NLGN1: variants seen among roughly 807,000 people sequenced by gnomAD.
NLGN1 encodes the protein neuroligin 1.
Under a neutral mutation model 65.5 loss-of-function variants are expected in NLGN1, and 12 were observed. The ratio of observed to expected loss-of-function variants is 0.18; its 90% CI spans 0.12 to 0.30. NLGN1 has a LOEUF of 0.30. Ranked by LOEUF, NLGN1 falls within the 10% of genes least tolerant of loss-of-function variation. The probability of loss-of-function intolerance (pLI) is 1.00; values close to 1 mark genes in which losing one functional copy is unlikely to be tolerated. For missense variants in NLGN1, 750 were observed against 1,007.1 expected, an observed-to-expected ratio of 0.74 and a Z score of 3.46; for synonymous variants, 350 against 359.5, an observed-to-expected ratio of 0.97 and a Z score of 0.30.
intron 3 of NLGN1, among the ~76,000 whole-genome samples, chr3:173,686,909 C>T (rs940809638): frequency 4.6e-5 from 7 of 151,836 alleles, no homozygotes; most frequent in Non-Finnish European, 7.4e-5. Flanking sequence ...GCCGAGATCA[C>T]GCCATTGCAC....
chr3:173,399,039 T>A (rs928619504), intron 1 of NLGN1, among the ~76,000 whole-genome samples: 2 of 152,198 alleles, frequency 1.3e-5, no homozygotes, highest in African/African-American at 4.8e-5. Context: ...GTTTTTGAAA[T>A]GAGCTCAGAA....
chr3:173,993,068 A>G (rs1721459804), intron 4 of NLGN1, among the ~76,000 whole-genome samples: 1 of 152,200 alleles, frequency 6.6e-6, no homozygotes, highest in South Asian at 2.1e-4. Context: ...GTTTCTTGTT[A>G]AAATATGTAA....
At chr3:173,885,894 A>G (rs915445735) in intron 4 of NLGN1, among the ~76,000 whole-genome samples, 1 of 152,178 alleles carries the variant, frequency 6.6e-6, no homozygotes, top group Non-Finnish European at 1.5e-5. Context: ...GGACAAAGAC[A>G]TGAAGTGATC....
chr3:174,281,120 A>G (rs765045059), exon 7 of NLGN1: 23 of 1,613,310 alleles, frequency 1.4e-5, no homozygotes, highest in Non-Finnish European at 1.9e-5. Context: ...CAGATTACAC[A>G]CTAGCTATGA....
chr3:173,438,587 T>A (rs1243760578), intron 2 of NLGN1, among the ~76,000 whole-genome samples: 1 of 152,160 alleles, frequency 6.6e-6, no homozygotes, highest in African/African-American at 2.4e-5. Flanking sequence ...TATGAATCAC[T>A]GATAAAAAGT....
chr3:173,656,731 A>G (rs987895045), intron 3 of NLGN1, among the ~76,000 whole-genome samples: 13 of 152,042 alleles, frequency 8.6e-5, no homozygotes, highest in Middle Eastern at 3.2e-3. Context: ...GTCTTACCCA[A>G]TGAGAATTTT....
chr3:173,767,137 A>C (rs1778896110), intron 3 of NLGN1, among the ~76,000 whole-genome samples: 1 of 152,168 alleles, frequency 6.6e-6, no homozygotes, highest in African/African-American at 2.4e-5. Flanking sequence ...TAATCTGGAA[A>C]AACAAAAGAA....
chr3:173,883,003 C>G (rs2150937135), intron 4 of NLGN1, among the ~76,000 whole-genome samples: 1 of 141,064 alleles, frequency 7.1e-6, no homozygotes, highest in South Asian at 2.2e-4. Flanking sequence ...TGCTGTTTCA[C>G]TTACTGATAT....
intron 4 of NLGN1, among the ~76,000 whole-genome samples, chr3:174,235,875 C>T (rs77157445): frequency 1.9e-3 from 289 of 152,086 alleles, no homozygotes; most frequent in African/African-American, 6.8e-3. Flanking sequence ...CTCTTTAAAA[C>T]TCCACAACTC....
chr3:173,883,742 G>A (rs1733770336), intron 4 of NLGN1, among the ~76,000 whole-genome samples: 1 of 149,984 alleles, frequency 6.7e-6, no homozygotes. Flanking sequence ...TGCCCATGTT[G>A]ACATGGCAGT....
intron 4 of NLGN1, among the ~76,000 whole-genome samples, chr3:174,226,640 T>C (rs758240745): frequency 2.0e-5 from 3 of 152,174 alleles, no homozygotes; most frequent in Non-Finnish European, 2.9e-5. Flanking sequence ...ATTTTATTGT[T>C]ACTTCCTCTA....
At chr3:174,276,279 G>A (rs1156776425) in intron 5 of NLGN1, among the ~76,000 whole-genome samples, 1 of 151,776 alleles carries the variant, frequency 6.6e-6, no homozygotes, top group Non-Finnish European at 1.5e-5. Context: ...GGCTTACCAT[G>A]TTGTTCTTTA....
At chr3:173,932,343 C>T (rs1744251580) in intron 4 of NLGN1, among the ~76,000 whole-genome samples, 3 of 151,898 alleles carry the variant, frequency 2.0e-5, no homozygotes, top group Admixed American at 6.6e-5. Flanking sequence ...TCTATAACTC[C>T]TCTTTCATAT....
chr3:173,407,692 A>G (rs1365056739), intron 1 of NLGN1, among the ~76,000 whole-genome samples: 2 of 152,176 alleles, frequency 1.3e-5, no homozygotes, highest in African/African-American at 4.8e-5. Context: ...AATCAAGACT[A>G]AGACAGGCAG....
chr3:174,178,798 A>G (rs16857436), intron 4 of NLGN1, among the ~76,000 whole-genome samples: 23,636 of 152,066 alleles, frequency 0.16, 3,569 homozygotes, highest in African/African-American at 0.4. Flanking sequence ...CCTGACTTCC[A>G]GAAAGCCTGA....
intron 4 of NLGN1, among the ~76,000 whole-genome samples, chr3:173,811,250 T>C (rs1430780600): frequency 6.6e-6 from 1 of 151,798 alleles, no homozygotes; most frequent in African/African-American, 2.4e-5. Flanking sequence ...TATTGTATGG[T>C]TTATAATCAT....
chr3:173,866,725 G>T (rs1730255969), intron 4 of NLGN1, among the ~76,000 whole-genome samples: 1 of 152,100 alleles, frequency 6.6e-6, no homozygotes, highest in Non-Finnish European at 1.5e-5. Flanking sequence ...AGCCACTGAA[G>T]GGACCAATTT....
chr3:174,140,243 T>C (rs1184684065), intron 4 of NLGN1, among the ~76,000 whole-genome samples: 1 of 152,186 alleles, frequency 6.6e-6, no homozygotes, highest in East Asian at 1.9e-4. Flanking sequence ...CTAGCTTGAA[T>C]ATTTCTAGAA....
At chr3:173,412,800 T>C (rs1398555279) in intron 1 of NLGN1, among the ~76,000 whole-genome samples, 2 of 152,214 alleles carry the variant, frequency 1.3e-5, no homozygotes, top group African/African-American at 4.8e-5. Flanking sequence ...TCCAATAACA[T>C]ACTTTCACAA....
Sources: gnomAD v4.1 joint callset for allele counts (sites outside exome capture counted in the v4.1 genomes callset) on GRCh38, gnomAD v4.1.1 for gene constraint, MANE v1.5 for transcripts, NCBI Gene and HGNC (gene_info 2026-07-23, HGNC 2026-07-21) for gene names.